Variants in TAFA1 observed in about 807,000 individuals in gnomAD.
TAFA1 encodes chemokine-like protein TAFA-1.
A neutral mutation model predicts 18.5 loss-of-function variants in TAFA1; 4 were observed. The ratio of observed to expected loss-of-function variants is 0.22; its 90% CI spans 0.11 to 0.49. The LOEUF is 0.49. Among genes scored for constraint, TAFA1 ranks in the 20% least tolerant of loss-of-function variants. The pLI is 0.98. For synonymous variants in TAFA1, 56 were observed against 55.2 expected, an observed-to-expected ratio of 1.01 and a Z score of -0.06; for missense variants, 147 against 169.0, an observed-to-expected ratio of 0.87 and a Z score of 0.72.
At chr3:68,306,841 A>G (rs555215396) in intron 2 of TAFA1, among the ~76,000 whole-genome samples, 1 of 152,298 alleles carries the variant, frequency 6.6e-6, no homozygotes, top group African/African-American at 2.4e-5. Context: ...GCCTCATACC[A>G]TGTTTCCCCT....
chr3:68,310,929 G>T (rs1291181654), intron 2 of TAFA1, among the ~76,000 whole-genome samples: 1 of 152,020 alleles, frequency 6.6e-6, no homozygotes, highest in East Asian at 1.9e-4. Context: ...CCATTTTCAT[G>T]CTGCTGATAA....
intron 2 of TAFA1, among the ~76,000 whole-genome samples, chr3:68,416,944 G>A (rs1015633233): frequency 4.6e-5 from 7 of 152,120 alleles, no homozygotes; most frequent in African/African-American, 1.7e-4. Context: ...TGATAACACA[G>A]AAGATGGCTC....
chr3:68,157,815 T>G (rs932960359), intron 2 of TAFA1, among the ~76,000 whole-genome samples: 2 of 152,246 alleles, frequency 1.3e-5, no homozygotes, highest in African/African-American at 4.8e-5. Context: ...GATAGACAGA[T>G]ATCACCTTTG....
intron 2 of TAFA1, among the ~76,000 whole-genome samples, chr3:68,216,544 T>C (rs1036694028): frequency 6.6e-6 from 1 of 152,114 alleles, no homozygotes; most frequent in Non-Finnish European, 1.5e-5. Context: ...ATGGGTTAAA[T>C]GTGTATATAT....
chr3:68,317,102 C>T (rs1003933660), intron 2 of TAFA1, among the ~76,000 whole-genome samples: 5 of 152,000 alleles, frequency 3.3e-5, no homozygotes, highest in African/African-American at 1.2e-4. Flanking sequence ...AATAATTTGG[C>T]AATGAGTTGT....
intron 2 of TAFA1, among the ~76,000 whole-genome samples, chr3:68,360,937 A>T (rs544300255): frequency 6.6e-6 from 1 of 152,166 alleles, no homozygotes; most frequent in African/African-American, 2.4e-5. Flanking sequence ...CATAAGAAAC[A>T]CATGTTATGA....
intron 2 of TAFA1, among the ~76,000 whole-genome samples, chr3:68,193,478 T>G (rs970961173): frequency 2.6e-5 from 4 of 151,764 alleles, no homozygotes; most frequent in Non-Finnish European, 4.4e-5. Context: ...AAAAGTCAGA[T>G]GTCTCCTTCC....
intron 2 of TAFA1, among the ~76,000 whole-genome samples, chr3:68,048,354 G>T (rs915451485): frequency 6.6e-6 from 1 of 151,698 alleles, no homozygotes; most frequent in Non-Finnish European, 1.5e-5. Context: ...ATATTCATGG[G>T]GTACATGAGA....
chr3:68,080,075 C>A (rs1386855007), intron 2 of TAFA1, among the ~76,000 whole-genome samples: 1 of 152,138 alleles, frequency 6.6e-6, no homozygotes, highest in African/African-American at 2.4e-5. Flanking sequence ...TAATGGCCTT[C>A]TTTGTCTCTT....
At position 68,400,389 on chromosome 3, in the gene TAFA1, T is replaced by C. The variant is rs142054103; in HGVS notation, c.119-16891T>C. 2.3e-3 allele frequency among the ~76,000 whole-genome samples: 350 copies of C among 152,342 alleles called. 2 individuals carry two copies. The highest frequency in any genetic ancestry group is 8.2e-3 in the African/African-American group (339 of 41,592). ...AATACAATGACAGTATTCCAGCCAATGACACTCAGAGTAATTACAAAACTA... is the reference window on the plus strand; with the variant it reads ...AATACAATGACAGTATTCCAGCCAACGACACTCAGAGTAATTACAAAACTA... On this transcript the variant is annotated intron_variant, in intron 2 of 4. Transcript: ENST00000478136.
chr3:68,311,136 A>G (rs2068508951), intron 2 of TAFA1, among the ~76,000 whole-genome samples: 1 of 152,132 alleles, frequency 6.6e-6, no homozygotes, highest in Non-Finnish European at 1.5e-5. Context: ...CATGAGACCC[A>G]TTCACTATCA....
intron 3 of TAFA1, among the ~76,000 whole-genome samples, chr3:68,496,273 A>G (rs2106693949): frequency 1.3e-5 from 2 of 152,286 alleles, no homozygotes; most frequent in East Asian, 1.9e-4. Context: ...TGAGTAGTTG[A>G]CTGTAATTCC....
intron 2 of TAFA1, among the ~76,000 whole-genome samples, chr3:68,161,957 T>G (rs2065930320): frequency 6.6e-6 from 1 of 152,210 alleles, no homozygotes; most frequent in African/African-American, 2.4e-5. Flanking sequence ...TCATTTCTTT[T>G]TTATCAGCTG....
chr3:68,400,079 C>T (rs1008535981), intron 2 of TAFA1, among the ~76,000 whole-genome samples: 2 of 152,190 alleles, frequency 1.3e-5, no homozygotes, highest in Non-Finnish European at 2.9e-5. Context: ...CAAGCCTATC[C>T]TTAAACCATT....
intron 3 of TAFA1, among the ~76,000 whole-genome samples, chr3:68,483,807 A>G (rs1395449223): frequency 1.3e-5 from 2 of 152,200 alleles, no homozygotes; most frequent in African/African-American, 4.8e-5. Flanking sequence ...TGTTTAAAAA[A>G]CAGGCAAAGG....
chr3:68,138,412 C>T (rs1196028841), intron 2 of TAFA1, among the ~76,000 whole-genome samples: 2 of 152,174 alleles, frequency 1.3e-5, no homozygotes, highest in African/African-American at 4.8e-5. Flanking sequence ...TATTGTACAT[C>T]AGGTTTTGTG....
chr3:68,540,009 G>C (rs2073346775), intron 4 of TAFA1, among the ~76,000 whole-genome samples: 1 of 152,090 alleles, frequency 6.6e-6, no homozygotes, highest in Non-Finnish European at 1.5e-5. Context: ...TGATGTATTT[G>C]AAAGGATGTC....
At chr3:68,030,652 C>G (rs905656498) in intron 2 of TAFA1, among the ~76,000 whole-genome samples, 30 of 152,186 alleles carry the variant, frequency 2.0e-4, no homozygotes, top group African/African-American at 7.0e-4. Context: ...ATTTTCTTTA[C>G]CCAGTCTATC....
intron 2 of TAFA1, among the ~76,000 whole-genome samples, chr3:68,161,857 G>T (rs1348586718): frequency 1.3e-5 from 2 of 152,122 alleles, no homozygotes; most frequent in East Asian, 3.9e-4. Flanking sequence ...TTTACCTTCA[G>T]ATTCATAATT....
Sources: allele counts gnomAD v4.1 joint callset (sites outside exome capture counted in the v4.1 genomes callset), GRCh38; gene constraint gnomAD v4.1.1; transcripts MANE v1.5; gene names NCBI Gene and HGNC (gene_info 2026-07-23, HGNC 2026-07-21).